WAC: variants seen among roughly 807,000 people sequenced by gnomAD.
The protein encoded by WAC is WW domain-containing adapter protein with coiled-coil.
Under a neutral mutation model 79.6 loss-of-function variants are expected in WAC, and 11 were observed. That is an observed-to-expected ratio of 0.14 (90% CI 0.09 to 0.23). The LOEUF is 0.23. WAC is among the 10% of genes least tolerant of loss of function. The pLI is 1.00. For synonymous variants in WAC, 304 were observed against 276.9 expected (o/e 1.10, Z -0.97); for missense variants, 728 against 773.5 (o/e 0.94, Z 0.70).
Position 28,595,845 on chromosome 10 carries a change from T to A in WAC, c.723T>A (p.Ser241Arg), listed in dbSNP as rs971654985. The change falls in exon 7 of 14, where the codon AGT becomes AGA. Residue 241 changes from serine to arginine, a missense_variant. By Grantham distance (110) the Ser-to-Arg change is moderately radical. Around this residue, in one of 3 missense-constraint regions of WAC, gnomAD observed 648 missense variants for 661.5 expected, o/e 0.98. Transcript: ENST00000354911. ...GACTGCCAAGAGCAGAGACTCACAG[T>A]AGTTCTACGCCAGTACAGCACCCCA... ...DYRLPRAETHSSSTPVQHPIK... is the reference protein window; with the variant it reads ...DYRLPRAETHRSSTPVQHPIK... 2.5e-6 allele frequency: 4 copies of A among 1,614,048 alleles called. No homozygotes were observed. The African/African-American group carries it at 4.0e-5, about 16-fold the overall frequency.
intron 7 of WAC, among the ~76,000 whole-genome samples, chr10:28,606,195 C>T (rs1390823189): frequency 6.6e-6 from 1 of 152,008 alleles, no homozygotes; most frequent in Non-Finnish European, 1.5e-5. Context: ...GGACCACAGG[C>T]GCAAGCCACC....
At chr10:28,617,596 T>C (rs1025474875) in intron 12 of WAC, 61 bp from the exon 13 acceptor site, 18 of 1,401,650 alleles carry the variant, frequency 1.3e-5, no homozygotes, top group Admixed American at 5.8e-5. Context: ...AGAAATTTAA[T>C]GTTTTATTTT....
rs1000316245 is a variant in WAC at position 28,622,392 on chromosome 10, T to C, written c.*2786T>C. 4 of 112,170 alleles carry C rather than the reference T, an allele frequency of 3.6e-5. No individual in the cohort carries two copies. The highest frequency in any genetic ancestry group is 1.4e-4 in the African/African-American group (4 of 29,236). 6.9% of individuals were successfully genotyped at this position (112,170 alleles called of 1,614,324 possible). A position where few individuals can be genotyped will look rare whatever the true frequency, so the allele number is the denominator to read the frequency against. ...TTGAAAATAGAAGTACTGAATAGCC[T>C]CTAGGGAACTTGAGTGGCCTTTCCC... On this transcript the variant is annotated 3_prime_UTR_variant, in exon 14 of 14. Transcript: ENST00000354911.
In WAC at chr10:28,602,518, G is replaced by A. The variant is rs548568981; in HGVS notation, c.920-5668G>A. 2.6e-5 allele frequency among the ~76,000 whole-genome samples: 4 copies of A among 152,172 alleles called. No homozygotes were observed. The South Asian group carries it at 8.3e-4, about 32-fold the overall frequency. ...ACACCACTATTACAAAATAGATAAA[G>A]CAGGCTGCCTTTGTAGCAGTAATTT... On this transcript the variant is annotated intron_variant, in intron 7 of 13. Coordinates refer to ENST00000354911, the MANE Select transcript of WAC (RefSeq NM_016628.5).
intron 3 of WAC, among the ~76,000 whole-genome samples, chr10:28,549,219 T>C (rs1589138176): frequency 6.6e-6 from 1 of 152,184 alleles, no homozygotes; most frequent in Non-Finnish European, 1.5e-5. Flanking sequence ...TTTTTTATGG[T>C]GTTGGCTTTC....
intron 3 of WAC, among the ~76,000 whole-genome samples, chr10:28,541,522 C>T (rs551067538): frequency 6.7e-5 from 10 of 149,624 alleles, no homozygotes; most frequent in Non-Finnish European, 1.2e-4. Context: ...ACCTCCACCC[C>T]CTGGCAAAAT....
intron 6 of WAC, among the ~76,000 whole-genome samples, chr10:28,595,528 A>G (rs1840314597): frequency 6.6e-6 from 1 of 152,184 alleles, no homozygotes; most frequent in African/African-American, 2.4e-5. Context: ...ATAGTTGAGC[A>G]AAAACTCCTC....
intron 3 of WAC, among the ~76,000 whole-genome samples, chr10:28,577,782 A>G (rs540343783): frequency 6.6e-6 from 1 of 152,282 alleles, no homozygotes; most frequent in East Asian, 1.9e-4. Flanking sequence ...GTCCTCTACC[A>G]TTTGACTTCG....
chr10:28,534,017 GA>G lies in WAC; in HGVS notation c.62del (p.Asp21AlafsTer171), dbSNP rs1836463656. The G allele has an allele frequency of 6.2e-7, 1 of 1,601,212 alleles. No homozygotes were observed. Among genetic ancestry groups the G allele is most frequent in the Non-Finnish European group, 8.5e-7 (1 of 1,174,076 alleles). ...TTTCAGCTGTCACGACCGGAGGGGG[GA>G]CTCGCAGCCTTACCAGGTACCAGCC... is the stretch of plus-strand genomic sequence containing the variant. Reference protein sequence around the residue: ...LSDGCHDRRGDSQPYQALKYS... With the variant: ...LSDGCHDRRGXSQPYQALKYS... On this transcript the variant is annotated frameshift_variant, in exon 2 of 14. Transcript: ENST00000354911. LOFTEE classifies it high-confidence loss of function.
chr10:28,622,487 C>CGT lies in WAC; in HGVS notation c.*2883_*2884dup, dbSNP rs1172084706. On this transcript the variant is annotated 3_prime_UTR_variant, in exon 14 of 14. Transcript: ENST00000354911. The stretch of plus-strand genomic sequence containing the variant: ...GTCTCTATTCAAACTTTTAAAATGT[C>CGT]GTGGTATTGTAACAATATATTTGAT... The CGT allele has an allele frequency of 7.7e-6, 1 of 129,612 alleles. No homozygotes were observed. The highest frequency in any genetic ancestry group is 1.6e-5 in the Non-Finnish European group (1 of 64,432). The allele number at this position is 129,612 out of a possible 1,614,324, so 8.0% of individuals were successfully genotyped here. A position where few individuals can be genotyped will look rare whatever the true frequency, so the allele number is the denominator to read the frequency against.
intron 3 of WAC, 112 bp from the exon 4 acceptor site, chr10:28,583,287 G>T (rs1268265008): frequency 1.4e-6 from 1 of 738,568 alleles, no homozygotes; most frequent in African/African-American, 1.8e-5. Context: ...TAATGCTTAT[G>T]TAAGATGTTC....
chr10:28,583,669 T>G (rs1015117243), intron 4 of WAC, among the ~76,000 whole-genome samples, 164 bp downstream of exon 4: 1 of 152,148 alleles, frequency 6.6e-6, no homozygotes, highest in Non-Finnish European at 1.5e-5. Context: ...TTATCCTATT[T>G]TAAACCAATG....
chr10:28,573,050 C>T (rs1839058958), intron 3 of WAC, among the ~76,000 whole-genome samples: 2 of 152,084 alleles, frequency 1.3e-5, no homozygotes, highest in South Asian at 4.1e-4. Context: ...GATTGCTAGT[C>T]TCACTAAAGG....
intron 12 of WAC, 68 bp downstream of exon 12, chr10:28,616,430 A>G: frequency 7.8e-7 from 1 of 1,276,494 alleles, no homozygotes; most frequent in Non-Finnish European, 1.0e-6. Context: ...CAACTTCTAG[A>G]GAATCTAATG....
chr10:28,621,215 A>ATTTTTTTTTTTTTTT lies in WAC; in HGVS notation c.*1615_*1629dup. 9.8e-6 allele frequency: 1 copy of ATTTTTTTTTTTTTTT among 102,504 alleles called. No homozygotes were observed. The allele number at this position is 102,504 out of a possible 1,614,324, so 6.3% of individuals were successfully genotyped here. A position where few individuals can be genotyped will look rare whatever the true frequency, so the allele number is the denominator to read the frequency against. The stretch of plus-strand genomic sequence containing the variant: ...TAAATTGGTTTAGGGTTTTTTGGTG[A>ATTTTTTTTTTTTTTT]TTTTTTTTTTTTTTTTTTTTCTGTT... On this transcript the variant is annotated 3_prime_UTR_variant, in exon 14 of 14. Transcript: ENST00000354911.
At chr10:28,536,586 T>A (rs1836689965) in intron 3 of WAC, among the ~76,000 whole-genome samples, 1 of 152,216 alleles carries the variant, frequency 6.6e-6, no homozygotes, top group Non-Finnish European at 1.5e-5. Flanking sequence ...CCAGTTTTGG[T>A]GATGTGATTT....
intron 7 of WAC, among the ~76,000 whole-genome samples, chr10:28,603,348 A>G (rs1325472061): frequency 3.9e-5 from 6 of 152,194 alleles, no homozygotes; most frequent in Admixed American, 6.5e-5. Flanking sequence ...AGCTTGATCT[A>G]TAGTAGTCTA....
intron 1 of WAC, 142 bp downstream of exon 1, chr10:28,533,762 G>C: frequency 1.1e-6 from 1 of 919,254 alleles, no homozygotes; most frequent in Middle Eastern, 3.6e-4. Context: ...GAGCGGCCGC[G>C]CGGGCGGGCG....
chr10:28,533,232 G>T lies in WAC; in HGVS notation c.-348G>T. 1 of 167,474 alleles carries T rather than the reference G, an allele frequency of 6.0e-6. No homozygotes were observed. Among genetic ancestry groups the T allele is most frequent in the South Asian group, 1.3e-4 (1 of 7,982 alleles). The allele number at this position is 167,474 out of a possible 1,614,324, so 10.4% of individuals were successfully genotyped here. On this transcript the variant is annotated 5_prime_UTR_variant, in exon 1 of 14. Transcript: ENST00000354911. ...GCGGCGGCAGCAGCGGCGGCGGCGG[G>T]GGGAGGAGGGGAGGAGGCGGCGGAG...
Sources: gnomAD v4.1 joint callset for allele counts (sites outside exome capture counted in the v4.1 genomes callset) on GRCh38, gnomAD v4.1.1 for gene constraint, gnomAD v4.1.1 regional missense constraint, MANE v1.5 for transcripts, NCBI Gene and HGNC (gene_info 2026-07-23, HGNC 2026-07-21) for gene names.